The following RUNDC3B variants were observed in gnomAD, a reference collection of about 807,000 sequenced individuals.
The protein encoded by RUNDC3B is RUN domain-containing protein 3B.
In RUNDC3B, 33 loss-of-function variants were observed where a neutral mutation model predicts 58.4. The observed-to-expected ratio is 0.56, with a 90% CI of 0.43 to 0.75. The LOEUF is 0.75. Among genes scored for constraint, RUNDC3B ranks in the 30% least tolerant of loss-of-function variants. The pLI is 0.00. For synonymous variants in RUNDC3B, 193 were observed against 195.2 expected (o/e 0.99, Z 0.10); for missense variants, 501 against 535.7 (o/e 0.94, Z 0.64).
At chr7:87,744,874 G>T (rs1420481346) in intron 6 of RUNDC3B, among the ~76,000 whole-genome samples, 1 of 152,102 alleles carries the variant, frequency 6.6e-6, no homozygotes, top group Non-Finnish European at 1.5e-5. Flanking sequence ...GGTGAGAGTG[G>T]ACATCTTTGT....
At position 87,783,647 on chromosome 7, in the gene RUNDC3B, A is replaced by G. The variant is rs148651455; in HGVS notation, c.956+5692A>G. Among the ~76,000 whole-genome samples, 471 of 151,986 alleles carry G rather than the reference A, an allele frequency of 3.1e-3. 4 individuals carry two copies. The highest frequency in any genetic ancestry group is 0.011 in the African/African-American group (446 of 41,480). ...TTGTGGTAGTACATATTGTTATTTC[A>G]TTTCTGTGTCTACAACTCCCTCAAG... On this transcript the variant is annotated intron_variant, in intron 8 of 10. Transcript: ENST00000394654.
intron 3 of RUNDC3B, among the ~76,000 whole-genome samples, chr7:87,708,713 A>G (rs957571524): frequency 6.6e-6 from 1 of 152,106 alleles, no homozygotes; most frequent in African/African-American, 2.4e-5. Context: ...GTGTATAGGT[A>G]TTAACATAAT....
chr7:87,637,200 C>CACTA (rs1260493765), intron 1 of RUNDC3B, among the ~76,000 whole-genome samples: 5 of 152,192 alleles, frequency 3.3e-5, no homozygotes, highest in Non-Finnish European at 7.3e-5. Context: ...ATACTTTCTC[C>CACTA]ACTACACTCA....
intron 4 of RUNDC3B, among the ~76,000 whole-genome samples, chr7:87,712,875 T>G (rs1198613158): frequency 6.6e-6 from 1 of 152,156 alleles, no homozygotes; most frequent in East Asian, 1.9e-4. Flanking sequence ...CATACACATT[T>G]ATCGAATAAT....
At chr7:87,763,062 T>G (rs1833785173) in intron 6 of RUNDC3B, among the ~76,000 whole-genome samples, 1 of 151,588 alleles carries the variant, frequency 6.6e-6, no homozygotes, top group Non-Finnish European at 1.5e-5. Flanking sequence ...CTCATTTTAT[T>G]CCTCTACCAG....
intron 8 of RUNDC3B, among the ~76,000 whole-genome samples, chr7:87,794,456 A>T (rs565458183): frequency 1.3e-5 from 2 of 152,170 alleles, no homozygotes; most frequent in Non-Finnish European, 2.9e-5. Flanking sequence ...GAACAAAAAA[A>T]CCTGTAAAAC....
chr7:87,645,497 GTC>G (rs1171037553), intron 1 of RUNDC3B, among the ~76,000 whole-genome samples: 4 of 152,032 alleles, frequency 2.6e-5, no homozygotes, highest in African/African-American at 7.2e-5. Context: ...TTAATTATAA[GTC>G]TCTTTTATAT....
intron 10 of RUNDC3B, among the ~76,000 whole-genome samples, chr7:87,827,294 C>T (rs1351641885): frequency 6.6e-6 from 1 of 152,050 alleles, no homozygotes; most frequent in Non-Finnish European, 1.5e-5. Flanking sequence ...TCGAGACCAG[C>T]CTGACCAACA....
intron 8 of RUNDC3B, among the ~76,000 whole-genome samples, chr7:87,799,800 C>T (rs561054609): frequency 1.3e-5 from 2 of 150,366 alleles, no homozygotes; most frequent in Admixed American, 6.7e-5. Flanking sequence ...GGCAAGAGAT[C>T]ACTTGAACCT....
chr7:87,823,928 T>G (rs1195894137), intron 10 of RUNDC3B, among the ~76,000 whole-genome samples: 1 of 151,952 alleles, frequency 6.6e-6, no homozygotes, highest in African/African-American at 2.4e-5. Context: ...AAAACTAATT[T>G]TAAAAAATCA....
rs889535867 is a variant in RUNDC3B at position 87,770,666 on chromosome 7, C to T, written c.715C>T (p.Pro239Ser). 1.3e-5 allele frequency: 21 copies of T among 1,613,010 alleles called. No homozygotes were observed. Among genetic ancestry groups the T allele is most frequent in the Non-Finnish European group, 1.7e-5 (20 of 1,179,186 alleles). ...AAGCAGTACTCCAGAGAATGTCGGA[C>T]CTCCTTTCCTCATGGATGAGAACAG... ...SESSTPENVGPPFLMDENSWF... is the reference protein window; with the variant it reads ...SESSTPENVGSPFLMDENSWF... Residue 239 changes from proline to serine, a missense_variant, in exon 7 of 11, where the codon CCT becomes TCT. Physicochemically the swap from Pro to Ser is moderately conservative, Grantham distance 74. Transcript: ENST00000394654.
chr7:87,736,712 T>C (rs1236008170), intron 4 of RUNDC3B, among the ~76,000 whole-genome samples: 1 of 149,666 alleles, frequency 6.7e-6, no homozygotes, highest in Non-Finnish European at 1.5e-5. Flanking sequence ...TTTTTTACTT[T>C]GGTACTTTCA....
intron 2 of RUNDC3B, among the ~76,000 whole-genome samples, chr7:87,658,866 T>C (rs1824404602): frequency 6.6e-6 from 1 of 152,108 alleles, no homozygotes; most frequent in African/African-American, 2.4e-5. Context: ...TTAAAGAACA[T>C]TCGTTAAGCA....
intron 2 of RUNDC3B, among the ~76,000 whole-genome samples, chr7:87,687,012 A>G (rs1827533222): frequency 1.3e-5 from 2 of 152,124 alleles, no homozygotes; most frequent in Admixed American, 6.5e-5. Context: ...TAGACTGTCA[A>G]TTAGAAATGT....
chr7:87,727,101 C>G (rs1290271776), intron 4 of RUNDC3B, among the ~76,000 whole-genome samples: 1 of 152,128 alleles, frequency 6.6e-6, no homozygotes, highest in Non-Finnish European at 1.5e-5. Context: ...CCTGATTGCC[C>G]TGGCCAGAAA....
At position 87,831,988 on chromosome 7, in the gene RUNDC3B, G is replaced by T. The variant is rs900942261; in HGVS notation, c.*1958G>T. 6 of 151,866 alleles carry T rather than the reference G, an allele frequency of 4.0e-5. No homozygotes were observed. The highest frequency in any genetic ancestry group is 1.4e-4 in the African/African-American group (6 of 41,404). The allele number at this position is 151,866 out of a possible 1,614,324, so 9.4% of individuals were successfully genotyped here. Reference sequence around the variant, plus strand: ...TGTGCATCTTCACATGCTGCTAAATGCAGATTTAAACATTACATCTGAGGA... The same window carrying T: ...TGTGCATCTTCACATGCTGCTAAATTCAGATTTAAACATTACATCTGAGGA... On this transcript the variant is annotated 3_prime_UTR_variant, in exon 11 of 11. Transcript: ENST00000394654.
At chr7:87,692,012 G>A (rs549351235) in intron 2 of RUNDC3B, among the ~76,000 whole-genome samples, 6 of 152,216 alleles carry the variant, frequency 3.9e-5, no homozygotes, top group African/African-American at 1.4e-4. Flanking sequence ...GTCTAGAATG[G>A]TTTAATCGTA....
intron 2 of RUNDC3B, among the ~76,000 whole-genome samples, chr7:87,695,499 G>C (rs1286696334): frequency 6.6e-6 from 1 of 152,016 alleles, no homozygotes; most frequent in African/African-American, 2.4e-5. Flanking sequence ...CATCAGAGTG[G>C]TTTATTAAAA....
intron 6 of RUNDC3B, among the ~76,000 whole-genome samples, chr7:87,760,404 C>G (rs1267945151): frequency 6.6e-6 from 1 of 152,110 alleles, no homozygotes; most frequent in Non-Finnish European, 1.5e-5. Context: ...GGCAATACTT[C>G]TGAATTGATC....
Sources: allele counts gnomAD v4.1 joint callset (sites outside exome capture counted in the v4.1 genomes callset), GRCh38; gene constraint gnomAD v4.1.1; transcripts MANE v1.5; gene names NCBI Gene and HGNC (gene_info 2026-07-23, HGNC 2026-07-21).